Variants in TAF3 observed in about 807,000 individuals in gnomAD.
TAF3 encodes TATA-box binding protein associated factor 3, also known as transcription initiation factor TFIID subunit 3.
A neutral mutation model predicts 80.6 loss-of-function variants in TAF3; 7 were observed. The observed-to-expected ratio is 0.09, with a 90% CI of 0.05 to 0.16. The LOEUF is 0.16. Among genes scored for constraint, TAF3 ranks in the 10% least tolerant of loss-of-function variants. The pLI, the probability that TAF3 is intolerant of heterozygous loss-of-function variation, is 1.00. For synonymous variants in TAF3, 444 were observed against 446.1 expected, an observed-to-expected ratio of 1.00 and a Z score of 0.06; for missense variants, 921 against 1,140.2, an observed-to-expected ratio of 0.81 and a Z score of 2.77.
chr10:7,863,307 A>G (rs1426062690), intron 2 of TAF3, among the ~76,000 whole-genome samples: 2 of 152,134 alleles, frequency 1.3e-5, no homozygotes, highest in South Asian at 4.1e-4. Flanking sequence ...ACAATATTGA[A>G]TTTTCTGATT....
chr10:7,871,206 T>C (rs1837261795), intron 2 of TAF3, among the ~76,000 whole-genome samples: 1 of 152,062 alleles, frequency 6.6e-6, no homozygotes, highest in Admixed American at 6.5e-5. Flanking sequence ...TGTTATTTCT[T>C]GTAAATCAGA....
At chr10:7,892,241 A>G (rs1202383629) in intron 2 of TAF3, among the ~76,000 whole-genome samples, 2 of 152,232 alleles carry the variant, frequency 1.3e-5, no homozygotes, top group Non-Finnish European at 2.9e-5. Flanking sequence ...GAAATAGATT[A>G]TTGAACTAAC....
At chr10:7,860,029 G>C (rs942797176) in intron 2 of TAF3, among the ~76,000 whole-genome samples, 12 of 152,172 alleles carry the variant, frequency 7.9e-5, no homozygotes, top group Non-Finnish European at 1.5e-4. Flanking sequence ...CCAGCAGTTT[G>C]GGAGGCCAAG....
At chr10:8,013,082 A>G (rs956175187) in intron 5 of TAF3, among the ~76,000 whole-genome samples, 10 of 152,210 alleles carry the variant, frequency 6.6e-5, no homozygotes, top group African/African-American at 2.4e-4. Flanking sequence ...TAGCAAAATA[A>G]TGTTGAACCT....
intron 2 of TAF3, among the ~76,000 whole-genome samples, chr10:7,886,051 C>G (rs966894820): frequency 6.6e-6 from 1 of 152,222 alleles, no homozygotes; most frequent in South Asian, 2.1e-4. Flanking sequence ...GCGTCAGCCT[C>G]CCAAGTAGCT....
At chr10:7,974,770 G>A (rs1378388955) in intron 3 of TAF3, among the ~76,000 whole-genome samples, 1 of 152,004 alleles carries the variant, frequency 6.6e-6, no homozygotes, top group Non-Finnish European at 1.5e-5. Context: ...AGATGGAGTG[G>A]AGCACATTTA....
intron 2 of TAF3, among the ~76,000 whole-genome samples, chr10:7,893,065 C>T (rs1837470953): frequency 6.6e-6 from 1 of 152,028 alleles, no homozygotes; most frequent in African/African-American, 2.4e-5. Flanking sequence ...GTTGATCCAC[C>T]CCCCTTGGCT....
chr10:7,855,941 C>CA lies in TAF3; in HGVS notation c.409+31391dup, dbSNP rs545611522. 6.3e-3 allele frequency among the ~76,000 whole-genome samples: 871 copies of CA among 137,726 alleles called. 11 individuals are homozygous for CA. Among genetic ancestry groups the CA allele is most frequent in the African/African-American group, 0.021 (798 of 37,340 alleles). The allele number at this position is 137,726 out of a possible 152,430, so 90.4% of individuals were successfully genotyped here. ...TCCACAAAAAGGAAAAAAAAAAAGA[C>CA]AAAAAAAAAATAAGCGTAATAGTTC... is the stretch of plus-strand genomic sequence containing the variant. On this transcript the variant is annotated intron_variant, in intron 2 of 6. Transcript: ENST00000344293.
chr10:7,985,726 T>C (rs1831769501), intron 4 of TAF3, among the ~76,000 whole-genome samples: 3 of 151,930 alleles, frequency 2.0e-5, no homozygotes, highest in South Asian at 4.2e-4. Context: ...AGAAACTTCC[T>C]GTTCCTTTGA....
intron 3 of TAF3, among the ~76,000 whole-genome samples, chr10:7,968,683 G>C (rs2131415256): frequency 6.6e-6 from 1 of 152,252 alleles, no homozygotes; most frequent in Non-Finnish European, 1.5e-5. Flanking sequence ...GAGAAACTAA[G>C]GCTTAGAGAG....
At chr10:7,866,090 G>T (rs957021036) in intron 2 of TAF3, among the ~76,000 whole-genome samples, 1 of 152,178 alleles carries the variant, frequency 6.6e-6, no homozygotes, top group Non-Finnish European at 1.5e-5. Context: ...CTTAATAGCA[G>T]TTTTTTCTGG....
At chr10:7,944,132 TG>T (rs1838002152) in intron 2 of TAF3, among the ~76,000 whole-genome samples, 2 of 150,366 alleles carry the variant, frequency 1.3e-5, no homozygotes, top group Non-Finnish European at 3.0e-5. Flanking sequence ...TGTGTGTGTG[TG>T]TGTTGTGGGG....
intron 4 of TAF3, among the ~76,000 whole-genome samples, chr10:7,995,433 G>A (rs1013630341): frequency 2.0e-5 from 3 of 152,050 alleles, no homozygotes; most frequent in African/African-American, 7.2e-5. Context: ...TTATTCTATA[G>A]GTTGCCATTT....
intron 4 of TAF3, among the ~76,000 whole-genome samples, chr10:7,989,608 A>C (rs1338846456): frequency 2.0e-5 from 3 of 152,172 alleles, no homozygotes; most frequent in African/African-American, 7.2e-5. Context: ...CTAAATTAAA[A>C]CTTTTGATAG....
intron 2 of TAF3, among the ~76,000 whole-genome samples, chr10:7,915,833 G>T (rs952432632): frequency 1.3e-5 from 2 of 151,374 alleles, no homozygotes; most frequent in Non-Finnish European, 2.9e-5. Context: ...ACAAAAATTA[G>T]CTGGATTTGG....
chr10:7,873,017 C>T (rs2131147217), intron 2 of TAF3, among the ~76,000 whole-genome samples: 1 of 152,090 alleles, frequency 6.6e-6, no homozygotes, highest in East Asian at 1.9e-4. Flanking sequence ...AGTTTAAAAA[C>T]AAACAGAAAT....
At chr10:7,834,204 T>A (rs926385795) in intron 2 of TAF3, among the ~76,000 whole-genome samples, 4 of 152,236 alleles carry the variant, frequency 2.6e-5, no homozygotes, top group East Asian at 1.9e-4. Context: ...TTTATTTTGA[T>A]GGAATCCCAT....
At chr10:7,947,841 G>A (rs573194215) in intron 2 of TAF3, among the ~76,000 whole-genome samples, 1 of 152,290 alleles carries the variant, frequency 6.6e-6, no homozygotes, top group East Asian at 1.9e-4. Flanking sequence ...GAGTTGGAGA[G>A]TCAATTCCAG....
chr10:7,928,303 G>A (rs1300554497), intron 2 of TAF3, among the ~76,000 whole-genome samples: 1 of 152,178 alleles, frequency 6.6e-6, no homozygotes, highest in East Asian at 1.9e-4. Context: ...CACATAGGAA[G>A]TACTTAAGTA....
Sources: allele counts gnomAD v4.1 joint callset (sites outside exome capture counted in the v4.1 genomes callset), GRCh38; gene constraint gnomAD v4.1.1; transcripts MANE v1.5; gene names NCBI Gene and HGNC (gene_info 2026-07-23, HGNC 2026-07-21).